CNTN5: variants seen among roughly 807,000 people sequenced by gnomAD.
The protein encoded by CNTN5 is contactin 5.
In CNTN5, 77 loss-of-function variants were observed where a neutral mutation model predicts 129.1. The ratio of observed to expected loss-of-function variants is 0.60; its 90% CI spans 0.50 to 0.72. CNTN5 has a LOEUF of 0.72. Among genes scored for constraint, CNTN5 ranks in the 30% least tolerant of loss-of-function variants. The probability of loss-of-function intolerance (pLI) is 0.00; values close to 1 mark genes in which losing one functional copy is unlikely to be tolerated. For synonymous variants in CNTN5, 509 were observed against 465.6 expected (o/e 1.09, Z -1.20); for missense variants, 1,478 against 1,328.8 (o/e 1.11, Z -1.75).
At chr11:99,556,350 A>C in intron 3 of CNTN5, 81 bp downstream of exon 3, 1 of 827,776 alleles carries the variant, frequency 1.2e-6, no homozygotes, top group South Asian at 1.9e-5. Context: ...ATTACAAAAT[A>C]TCCTCAGGTA....
intron 1 of CNTN5, among the ~76,000 whole-genome samples, chr11:99,229,541 A>AAAAAG (rs113130533): frequency 7.0e-6 from 1 of 143,622 alleles, no homozygotes; most frequent in African/African-American, 2.6e-5. Flanking sequence ...AAAAAAAAAA[A>AAAAAG]AGGACACAGC....
intron 13 of CNTN5, among the ~76,000 whole-genome samples, chr11:100,086,163 A>T (rs1207905430): frequency 2.6e-5 from 4 of 151,816 alleles, no homozygotes; most frequent in Non-Finnish European, 5.9e-5. Flanking sequence ...AGTCTTTGAA[A>T]GACTCAGTTC....
intron 8 of CNTN5, among the ~76,000 whole-genome samples, chr11:99,960,312 C>G (rs759628113): frequency 6.6e-6 from 1 of 151,972 alleles, no homozygotes; most frequent in South Asian, 2.1e-4. Context: ...AAATGAGGAT[C>G]ATTTTATTCC....
intron 3 of CNTN5, among the ~76,000 whole-genome samples, chr11:99,581,416 A>T (rs1949586407): frequency 6.8e-6 from 1 of 148,018 alleles, no homozygotes; most frequent in African/African-American, 2.6e-5. Context: ...TGATCTGTCT[A>T]ATGTTGACAG....
intron 2 of CNTN5, among the ~76,000 whole-genome samples, chr11:99,363,980 G>A (rs1037680942): frequency 7.2e-5 from 11 of 151,940 alleles, no homozygotes; most frequent in African/African-American, 2.4e-4. Context: ...TGGAGCAAAG[G>A]TGAATAAAAG....
At chr11:99,918,969 G>T (rs755635541) in intron 7 of CNTN5, among the ~76,000 whole-genome samples, 2 of 152,076 alleles carry the variant, frequency 1.3e-5, no homozygotes, top group Non-Finnish European at 2.9e-5. Context: ...CACCTTTCAA[G>T]TTAGCCAGCC....
intron 1 of CNTN5, among the ~76,000 whole-genome samples, chr11:99,091,692 G>C (rs1295143864): frequency 1.3e-5 from 2 of 152,122 alleles, no homozygotes; most frequent in African/African-American, 4.8e-5. Flanking sequence ...ACTTACTTTG[G>C]CTTCTTTTTG....
intron 2 of CNTN5, among the ~76,000 whole-genome samples, chr11:99,359,878 A>G (rs1334580775): frequency 6.6e-6 from 1 of 152,120 alleles, no homozygotes; most frequent in African/African-American, 2.4e-5. Flanking sequence ...ACTGAAACCA[A>G]GTATATATGA....
At chr11:100,218,522 A>G (rs1343762746) in intron 15 of CNTN5, among the ~76,000 whole-genome samples, 3 of 152,210 alleles carry the variant, frequency 2.0e-5, no homozygotes, top group African/African-American at 2.4e-5. Context: ...CATGTAACCC[A>G]CTGGGCACCA....
At chr11:99,297,742 T>G (rs1364818225) in intron 1 of CNTN5, among the ~76,000 whole-genome samples, 1 of 152,076 alleles carries the variant, frequency 6.6e-6, no homozygotes, top group Non-Finnish European at 1.5e-5. Context: ...GGCCAATGAT[T>G]TTTCATACCT....
intron 3 of CNTN5, among the ~76,000 whole-genome samples, chr11:99,717,377 A>C (rs566139746): frequency 6.6e-6 from 1 of 152,080 alleles, no homozygotes; most frequent in Non-Finnish European, 1.5e-5. Context: ...AAAGAGTTGT[A>C]CCTGCTTATA....
intron 21 of CNTN5, among the ~76,000 whole-genome samples, chr11:100,310,696 G>A (rs1396600066): frequency 9.1e-6 from 1 of 109,420 alleles, no homozygotes; most frequent in Non-Finnish European, 1.6e-5. Flanking sequence ...AGGGCAAGAA[G>A]GTAAAGAGAG....
At chr11:99,852,931 T>C (rs1947919014) in intron 6 of CNTN5, among the ~76,000 whole-genome samples, 1 of 152,200 alleles carries the variant, frequency 6.6e-6, no homozygotes, top group South Asian at 2.1e-4. Context: ...ATAGACATTT[T>C]AAATTTCACT....
In CNTN5 at chr11:100,071,644, A is replaced by G. The variant is rs561788709; in HGVS notation, c.1300-61A>G. 9.3e-5 allele frequency: 122 copies of G among 1,310,016 alleles called. No individual in the cohort carries two copies. The African/African-American group carries it at 1.5e-3, about 16-fold the overall frequency. 81.1% of individuals were successfully genotyped at this position (1,310,016 alleles called of 1,614,324 possible). ...GTTTTTTCTTAGTCTAGGAGAGAAT[A>G]CCCATAAAATCCATGTTATTTGTTT... is the stretch of plus-strand genomic sequence containing the variant. On this transcript the variant is annotated intron_variant, in intron 11 of 24. Transcript: ENST00000524871.
At chr11:99,991,216 C>T (rs1292031903) in intron 8 of CNTN5, among the ~76,000 whole-genome samples, 2 of 152,134 alleles carry the variant, frequency 1.3e-5, no homozygotes, top group African/African-American at 4.8e-5. Context: ...GCCTGTAATC[C>T]CAGCACTTTG....
At chr11:99,637,551 G>A (rs1475833141) in intron 3 of CNTN5, among the ~76,000 whole-genome samples, 1 of 151,896 alleles carries the variant, frequency 6.6e-6, no homozygotes, top group Admixed American at 6.6e-5. Flanking sequence ...TTACATATAG[G>A]GGTTACTGAA....
intron 2 of CNTN5, among the ~76,000 whole-genome samples, chr11:99,376,536 G>T (rs1940190297): frequency 6.6e-6 from 1 of 152,126 alleles, no homozygotes; most frequent in Non-Finnish European, 1.5e-5. Flanking sequence ...TTGAAAGCAA[G>T]TTATCTCAGA....
intron 13 of CNTN5, among the ~76,000 whole-genome samples, chr11:100,149,910 AAAG>A (rs1591318224): frequency 6.7e-6 from 1 of 150,264 alleles, no homozygotes; most frequent in African/African-American, 2.5e-5. Flanking sequence ...AAAAAAAAGA[AAAG>A]AAAAGAAAAA....
intron 2 of CNTN5, among the ~76,000 whole-genome samples, chr11:99,522,809 C>T (rs547020066): frequency 6.6e-6 from 1 of 152,258 alleles, no homozygotes; most frequent in Admixed American, 6.5e-5. Context: ...TAGAATACTT[C>T]AATATTAATG....
Sources: allele counts gnomAD v4.1 joint callset (sites outside exome capture counted in the v4.1 genomes callset), GRCh38; gene constraint gnomAD v4.1.1; transcripts MANE v1.5; gene names NCBI Gene and HGNC (gene_info 2026-07-23, HGNC 2026-07-21).